Variants in ANKS3 observed in about 807,000 individuals in gnomAD.
ANKS3 encodes ankyrin repeat and sterile alpha motif domain containing 3.
A neutral mutation model predicts 80.7 loss-of-function variants in ANKS3; 62 were observed. That is an observed-to-expected ratio of 0.77 (90% CI 0.63 to 0.95). The LOEUF is 0.95. Among genes scored for constraint, ANKS3 ranks in the 40% least tolerant of loss-of-function variants. The probability of loss-of-function intolerance (pLI) is 0.00; values close to 1 mark genes in which losing one functional copy is unlikely to be tolerated. For synonymous variants in ANKS3, 489 were observed against 355.3 expected (o/e 1.38, Z -4.23); for missense variants, 1,150 against 883.6 (o/e 1.30, Z -3.82).
intron 11 of ANKS3, chr16:4,700,166 C>A (rs2079821092): frequency 1.3e-5 from 2 of 152,896 alleles, no homozygotes; most frequent in African/African-American, 4.8e-5. Context: ...GCCTGTAATC[C>A]CAGCACTTTG....
At chr16:4,732,466 T>G (rs1354568971) in intron 1 of ANKS3, among the ~76,000 whole-genome samples, 1 of 152,084 alleles carries the variant, frequency 6.6e-6, no homozygotes, top group Non-Finnish European at 1.5e-5. Context: ...ACGGACCACT[T>G]GAGGCCAGGA....
At chr16:4,733,890 GCTCACTGGCCC>G in intron 1 of ANKS3, 37 bp downstream of exon 1, 1 of 983,724 alleles carries the variant, frequency 1.0e-6, no homozygotes, top group Non-Finnish European at 1.2e-6. Flanking sequence ...CGCAAAGGTA[GCTCACTGGCCC>G]CGGGGCGGGT....
In ANKS3 at chr16:4,702,112, G is replaced by A; in HGVS notation, c.999C>T (p.Ser333=). Reference sequence around the variant, plus strand: ...TGGGGGTGCACGTACCCCGACTGCTGCTGCTGCTGCTGCTCTCCACATCCC... The same window carrying A: ...TGGGGGTGCACGTACCCCGACTGCTACTGCTGCTGCTGCTCTCCACATCCC... ...NERDVESSSS[S]SSREEHAFCA... is the part of the protein sequence containing the mutation. The change falls in exon 9 of 18, where the codon AGC becomes AGT. Residue 333 remains serine, a synonymous_variant. Transcript: ENST00000304283. 6.3e-7 allele frequency: 1 copy of A among 1,587,270 alleles called. No homozygotes were observed. Among genetic ancestry groups the A allele is most frequent in the East Asian group, 2.3e-5 (1 of 43,818 alleles).
Position 4,724,835 on chromosome 16 carries a change from C to T in ANKS3, c.492-4G>A. On this transcript the variant is annotated splice_polypyrimidine_tract_variant and splice_region_variant and intron_variant, in intron 5 of 17. Transcript: ENST00000304283. ...AGTAAATCCACATATCGGCTCCCTG[C>T]AAGATGTGGGCCACAGTCAGATGAT... is the stretch of plus-strand genomic sequence containing the variant. 1 of 1,613,694 alleles carries T rather than the reference C, an allele frequency of 6.2e-7. No individual in the cohort carries two copies. Among genetic ancestry groups the T allele is most frequent in the Non-Finnish European group, 8.5e-7 (1 of 1,179,792 alleles).
chr16:4,714,500 T>C (rs2080673664), intron 6 of ANKS3, among the ~76,000 whole-genome samples: 1 of 152,254 alleles, frequency 6.6e-6, no homozygotes. Context: ...GCGCCTGGGC[T>C]GTGTCCCACT....
chr16:4,721,567 C>T (rs761994503), intron 6 of ANKS3, among the ~76,000 whole-genome samples: 1 of 151,292 alleles, frequency 6.6e-6, no homozygotes, highest in Non-Finnish European at 1.5e-5. Context: ...GCTGAGACTG[C>T]ACCACTCCAC....
At chr16:4,701,771 G>A (rs1567317113) in intron 9 of ANKS3, 12 of 522,350 alleles carry the variant, frequency 2.3e-5, no homozygotes, top group Non-Finnish European at 3.0e-5. Context: ...AGCAGTGCTT[G>A]GCACACGGTG....
At chr16:4,701,978 C>G in intron 9 of ANKS3, 124 bp downstream of exon 9, 2 of 1,236,262 alleles carry the variant, frequency 1.6e-6, no homozygotes, top group Non-Finnish European at 2.2e-6. Flanking sequence ...CCACACCTAC[C>G]CCTTTCCTGT....
In ANKS3 at chr16:4,699,486, T is replaced by C. The variant is rs928750638; in HGVS notation, c.1285-310A>G. 13 of 376,132 alleles carry C rather than the reference T, an allele frequency of 3.5e-5. No homozygotes were observed. In the East Asian group the frequency reaches 5.2e-4, roughly 15 times the overall value. The allele number at this position is 376,132 out of a possible 1,614,324, so 23.3% of individuals were successfully genotyped here. On this transcript the variant is annotated intron_variant, in intron 11 of 17. Transcript: ENST00000304283. ...AGCTGCTGATCTCGACAATGCTTTGTAGGCGGAGAGCGCTGCCCTCTAATT... is the reference window on the plus strand; with the variant it reads ...AGCTGCTGATCTCGACAATGCTTTGCAGGCGGAGAGCGCTGCCCTCTAATT...
intron 6 of ANKS3, among the ~76,000 whole-genome samples, chr16:4,718,994 T>G (rs911640960): frequency 2.0e-5 from 3 of 152,146 alleles, no homozygotes; most frequent in Admixed American, 6.6e-5. Flanking sequence ...AAGAGACTGA[T>G]AAGAAAATGA....
Position 4,729,991 on chromosome 16 carries a change from C to T in ANKS3, c.159G>A (p.Glu53=), listed in dbSNP as rs778575895. 2 of 1,524,190 alleles carry T rather than the reference C, an allele frequency of 1.3e-6. No individual in the cohort carries two copies. The highest frequency in any genetic ancestry group is 8.9e-7 in the Non-Finnish European group (1 of 1,126,686). 94.4% of individuals were successfully genotyped at this position (1,524,190 alleles called of 1,614,324 possible). A position where few individuals can be genotyped will look rare whatever the true frequency, so the allele number is the denominator to read the frequency against. ...CCGAGATCTCTTACCGCTGCACACA[C>T]TCCTTCACCACTTCATACTGGCCAA... ...ASIGQYEVVK[E]CVQRRELDLN... is the part of the protein sequence containing the mutation. Residue 53 remains glutamate (E), a synonymous_variant, in exon 3 of 18, where the codon GAG becomes GAA. Transcript: ENST00000304283.
chr16:4,720,460 T>G (rs1275848446), intron 6 of ANKS3, among the ~76,000 whole-genome samples: 1 of 143,260 alleles, frequency 7.0e-6, no homozygotes, highest in Non-Finnish European at 1.5e-5. Flanking sequence ...AGACTCCATC[T>G]CAAAAAAAAA....
intron 7 of ANKS3, among the ~76,000 whole-genome samples, chr16:4,707,164 C>A (rs938552514): frequency 1.3e-5 from 2 of 152,142 alleles, no homozygotes; most frequent in Non-Finnish European, 2.9e-5. Context: ...ACCCAACACA[C>A]CCTCAGAGCA....
At chr16:4,718,076 ATTTTTTT>A (rs780141955) in intron 6 of ANKS3, among the ~76,000 whole-genome samples, 1 of 133,730 alleles carries the variant, frequency 7.5e-6, no homozygotes, top group Non-Finnish European at 1.6e-5. Context: ...TGCCTGGCCA[ATTTTTTT>A]TTTTTTTTTT....
intron 6 of ANKS3, 49 bp downstream of exon 6, chr16:4,724,701 T>C (rs759638392): frequency 6.6e-7 from 1 of 1,526,128 alleles, no homozygotes; most frequent in Non-Finnish European, 9.1e-7. Context: ...GTAATATGAT[T>C]CCTCATTTGC....
intron 6 of ANKS3, among the ~76,000 whole-genome samples, chr16:4,715,708 G>C (rs2080760430): frequency 6.6e-6 from 1 of 151,866 alleles, no homozygotes; most frequent in Non-Finnish European, 1.5e-5. Context: ...TACCCAAAAT[G>C]TTGCTATTTT....
chr16:4,724,677 T>C lies in ANKS3; in HGVS notation c.573+73A>G, dbSNP rs2081266873. The C allele has an allele frequency of 2.9e-6, 4 of 1,393,034 alleles. No homozygotes were observed. In the African/African-American group the frequency reaches 4.3e-5, roughly 15 times the overall value. 86.3% of individuals were successfully genotyped at this position (1,393,034 alleles called of 1,614,324 possible). On this transcript the variant is annotated intron_variant, in intron 6 of 17. Coordinates refer to ENST00000304283, the MANE Select transcript of ANKS3 (RefSeq NM_133450.4). ...TTCTGTGCAAAGGAAAATTCTGTAA[T>C]AGCTTATACTTCAGTAATATGATTC...
At chr16:4,701,288 C>G (rs2079887880) in intron 10 of ANKS3, 146 bp downstream of exon 10, 3 of 1,391,532 alleles carry the variant, frequency 2.2e-6, no homozygotes, top group Non-Finnish European at 2.9e-6. Flanking sequence ...TCTGAGAAGC[C>G]AGACCCTGGA....
chr16:4,721,710 C>T (rs1017165357), intron 6 of ANKS3, among the ~76,000 whole-genome samples: 1 of 151,144 alleles, frequency 6.6e-6, no homozygotes, highest in African/African-American at 2.4e-5. Context: ...AACATCTTGG[C>T]TCATCGCAAC....
Sources: gnomAD v4.1 joint callset for allele counts (sites outside exome capture counted in the v4.1 genomes callset) on GRCh38, gnomAD v4.1.1 for gene constraint, MANE v1.5 for transcripts, NCBI Gene and HGNC (gene_info 2026-07-23, HGNC 2026-07-21) for gene names.